RPS6KC1: variants seen among roughly 807,000 people sequenced by gnomAD.
RPS6KC1 encodes the protein ribosomal protein S6 kinase C1, also known as inactive ribosomal protein S6 kinase delta-1.
In RPS6KC1, 54 loss-of-function variants were observed where a neutral mutation model predicts 103.8. That is an observed-to-expected ratio of 0.52 (90% CI 0.42 to 0.65). The LOEUF is 0.65. Ranked by LOEUF, RPS6KC1 falls within the 30% of genes least tolerant of loss-of-function variation. The pLI, the probability that RPS6KC1 is intolerant of heterozygous loss-of-function variation, is 0.00. For missense variants in RPS6KC1, 1,151 were observed against 1,253.8 expected, an observed-to-expected ratio of 0.92 and a Z score of 1.24; for synonymous variants, 439 against 438.7, an observed-to-expected ratio of 1.00 and a Z score of -0.01.
chr1:213,265,936 A>G (rs1042415282), intron 14 of RPS6KC1, among the ~76,000 whole-genome samples: 11 of 152,238 alleles, frequency 7.2e-5, no homozygotes, highest in African/African-American at 2.4e-4. Flanking sequence ...GTTATCTTAA[A>G]CAAGTTACTT....
At position 213,242,147 on chromosome 1, in the gene RPS6KC1, A is replaced by G. The variant is rs765875749; in HGVS notation, c.2671A>G (p.Lys891Glu). Residue 891 changes from lysine to glutamate, a missense_variant, in exon 11 of 15, where the codon AAA (lysine) becomes GAA (glutamate). Around this residue, in one of 3 missense-constraint regions of RPS6KC1, gnomAD observed 189 missense variants for 228.8 expected, o/e 0.83. Coordinates refer to ENST00000366960, the MANE Select transcript of RPS6KC1 (RefSeq NM_012424.6). The part of the protein sequence containing the change: ...EIHQIFEDLD[K>E]KLALASRFYI... Reference sequence around the variant, plus strand: ...ACATCAGATTTTTGAGGACCTTGATAAAAAATTAGCACTAGCCTCCAGGTT... The same window carrying G: ...ACATCAGATTTTTGAGGACCTTGATGAAAAATTAGCACTAGCCTCCAGGTT... The G allele has an allele frequency of 2.5e-6, 4 of 1,613,792 alleles. No individual in the cohort carries two copies. Among genetic ancestry groups the G allele is most frequent in the Non-Finnish European group, 3.4e-6 (4 of 1,179,804 alleles).
chr1:213,105,452 T>C (rs2082396913), intron 4 of RPS6KC1, among the ~76,000 whole-genome samples: 1 of 152,144 alleles, frequency 6.6e-6, no homozygotes, highest in African/African-American at 2.4e-5. Flanking sequence ...CAGTGATATG[T>C]ATGAATAGTG....
chr1:213,779,167 A>G, the RPS6KC1 span, among the ~76,000 whole-genome samples: 6 of 152,222 alleles, frequency 3.9e-5, no homozygotes, highest in Non-Finnish European at 7.3e-5. Flanking sequence ...GAGCACAATG[A>G]AAGGATGAGA....
the RPS6KC1 span, among the ~76,000 whole-genome samples, chr1:213,347,944 A>G: frequency 0.013 from 2,054 of 152,222 alleles, 42 homozygotes; most frequent in African/African-American, 0.047. Flanking sequence ...TACCCCAGGA[A>G]CATCAATGCA....
the RPS6KC1 span, among the ~76,000 whole-genome samples, chr1:213,287,052 T>C: frequency 6.6e-6 from 1 of 152,202 alleles, no homozygotes; most frequent in Admixed American, 6.5e-5. Flanking sequence ...GATATATTTT[T>C]AAGAAGTATT....
At chr1:213,211,160 T>C (rs1281245727) in intron 8 of RPS6KC1, among the ~76,000 whole-genome samples, 1 of 152,248 alleles carries the variant, frequency 6.6e-6, no homozygotes, top group Non-Finnish European at 1.5e-5. Flanking sequence ...TTAATTTTCA[T>C]CTAAATTTAA....
chr1:213,152,497 G>C (rs1211621553), intron 6 of RPS6KC1, among the ~76,000 whole-genome samples: 12 of 151,346 alleles, frequency 7.9e-5, no homozygotes, highest in African/African-American at 2.9e-4. Flanking sequence ...GTGGCTGCCG[G>C]GCGGAGGGGC....
At chr1:213,524,384 T>A in the RPS6KC1 span, among the ~76,000 whole-genome samples, 2 of 151,038 alleles carry the variant, frequency 1.3e-5, no homozygotes, top group African/African-American at 4.9e-5. Context: ...GGTCTCCCAC[T>A]CCCCCGAGAA....
At chr1:213,259,130 G>A (rs1269138575) in intron 12 of RPS6KC1, among the ~76,000 whole-genome samples, 3 of 152,208 alleles carry the variant, frequency 2.0e-5, no homozygotes, top group Non-Finnish European at 4.4e-5. Flanking sequence ...ATGAACAGAA[G>A]GGAGGATTGG....
At chr1:213,275,003 T>C (rs1186339322), downstream of RPS6KC1, among the ~76,000 whole-genome samples, 3 of 152,206 alleles carry the variant, frequency 2.0e-5, no homozygotes, top group Non-Finnish European at 2.9e-5. Context: ...TATTCCACTT[T>C]CTGTCTCTAT....
At chr1:213,646,472 GTTTAAA>G in the RPS6KC1 span, among the ~76,000 whole-genome samples, 1 of 152,106 alleles carries the variant, frequency 6.6e-6, no homozygotes, top group Non-Finnish European at 1.5e-5. Flanking sequence ...GATTCCTGGT[GTTTAAA>G]TTTAAGTTGA....
At chr1:213,470,357 GTTTC>G in the RPS6KC1 span, among the ~76,000 whole-genome samples, 1 of 152,158 alleles carries the variant, frequency 6.6e-6, no homozygotes, top group East Asian at 1.9e-4. Context: ...AACACATTGT[GTTTC>G]TTCTACCTCT....
chr1:213,460,719 C>T, the RPS6KC1 span, among the ~76,000 whole-genome samples: 1 of 152,134 alleles, frequency 6.6e-6, no homozygotes, highest in Non-Finnish European at 1.5e-5. Context: ...TTTGCAGTGG[C>T]TGGTACCGGT....
intron 3 of RPS6KC1, among the ~76,000 whole-genome samples, chr1:213,079,649 C>T (rs1205350625): frequency 6.6e-6 from 1 of 151,982 alleles, no homozygotes; most frequent in African/African-American, 2.4e-5. Context: ...AACTCCTGGG[C>T]TTAAGTGATC....
chr1:213,578,573 A>G, the RPS6KC1 span, among the ~76,000 whole-genome samples: 1 of 152,214 alleles, frequency 6.6e-6, no homozygotes, highest in African/African-American at 2.4e-5. Context: ...GAGGTTCATC[A>G]GTGTAACCTG....
the RPS6KC1 span, among the ~76,000 whole-genome samples, chr1:213,574,457 A>G: frequency 6.6e-6 from 1 of 152,234 alleles, no homozygotes; most frequent in South Asian, 2.1e-4. Context: ...ATGGGCTAGA[A>G]CTTCATTGTC....
At chr1:213,847,592 T>C in the RPS6KC1 span, among the ~76,000 whole-genome samples, 1 of 152,216 alleles carries the variant, frequency 6.6e-6, no homozygotes, top group African/African-American at 2.4e-5. Flanking sequence ...ATGCACATCA[T>C]AGGACAGGTG....
the RPS6KC1 span, among the ~76,000 whole-genome samples, chr1:213,593,691 A>C: frequency 6.6e-6 from 1 of 151,932 alleles, no homozygotes; most frequent in Non-Finnish European, 1.5e-5. Context: ...ATACGAGCGA[A>C]GGTCTGTGGT....
the RPS6KC1 span, among the ~76,000 whole-genome samples, chr1:213,638,473 A>G: frequency 6.6e-6 from 1 of 152,086 alleles, no homozygotes; most frequent in Non-Finnish European, 1.5e-5. Flanking sequence ...TCTTCTTCTA[A>G]AAGTTATACA....
Sources: allele counts gnomAD v4.1 joint callset (sites outside exome capture counted in the v4.1 genomes callset), GRCh38; gene constraint gnomAD v4.1.1; regional missense constraint gnomAD v4.1.1; transcripts MANE v1.5; gene names NCBI Gene and HGNC (gene_info 2026-07-23, HGNC 2026-07-21).